Variants in MSI2 observed in about 807,000 individuals in gnomAD.
The protein encoded by MSI2 is musashi RNA binding protein 2.
A neutral mutation model predicts 45.6 loss-of-function variants in MSI2; 17 were observed. The observed-to-expected ratio is 0.37, with a 90% CI of 0.26 to 0.56. MSI2 has a LOEUF of 0.56. Among genes scored for constraint, MSI2 ranks in the 20% least tolerant of loss-of-function variants. The pLI is 0.77. For synonymous variants in MSI2, 156 were observed against 158.2 expected, an observed-to-expected ratio of 0.99 and a Z score of 0.11; for missense variants, 293 against 444.2, an observed-to-expected ratio of 0.66 and a Z score of 3.06.
intron 6 of MSI2, among the ~76,000 whole-genome samples, chr17:57,451,116 A>G (rs2085010595): frequency 6.6e-6 from 1 of 152,102 alleles, no homozygotes; most frequent in Non-Finnish European, 1.5e-5. Context: ...CAGAGGAGCA[A>G]AGTGTTGGGG....
chr17:57,576,776 C>A, intron 7 of MSI2, among the ~76,000 whole-genome samples: 1 of 145,986 alleles, frequency 6.8e-6, no homozygotes, highest in Non-Finnish European at 1.5e-5. Flanking sequence ...AAAAAAATGA[C>A]TATAATCGAT....
At chr17:57,603,926 TA>T (rs1906212998) in intron 8 of MSI2, among the ~76,000 whole-genome samples, 1 of 152,206 alleles carries the variant, frequency 6.6e-6, no homozygotes, top group African/African-American at 2.4e-5. Context: ...CACACATTAT[TA>T]GGGGCAGAGT....
intron 5 of MSI2, among the ~76,000 whole-genome samples, chr17:57,378,596 C>T (rs376166616): frequency 9.2e-5 from 14 of 152,200 alleles, no homozygotes; most frequent in African/African-American, 2.6e-4. Context: ...AGGGTTTCTC[C>T]GTATTAGCCA....
intron 6 of MSI2, among the ~76,000 whole-genome samples, chr17:57,411,401 A>G (rs1343310995): frequency 6.6e-6 from 1 of 152,202 alleles, no homozygotes; most frequent in Non-Finnish European, 1.5e-5. Flanking sequence ...ACTGCTTTCC[A>G]TTCAACTAAG....
chr17:57,456,636 G>T (rs1191011046), intron 6 of MSI2, among the ~76,000 whole-genome samples: 1 of 151,870 alleles, frequency 6.6e-6, no homozygotes, highest in African/African-American at 2.4e-5. Flanking sequence ...GACTTGCCCT[G>T]TGTTGGAGAT....
rs2085363291 is a variant in MSI2, at chr17:57,468,153, A to G, written c.406-61523A>G. ...AACCTCTTAGAGCCTTAGTTCCCGCATCTGTAAAATGGAGGAAAGAGTCTC... is the reference window on the plus strand; with the variant it reads ...AACCTCTTAGAGCCTTAGTTCCCGCGTCTGTAAAATGGAGGAAAGAGTCTC... On this transcript the variant is annotated intron_variant, in intron 6 of 13. Transcript: ENST00000284073. 2.6e-5 allele frequency among the ~76,000 whole-genome samples: 4 copies of G among 151,754 alleles called. No individual in the cohort carries two copies. The South Asian group carries it at 8.3e-4, about 32-fold the overall frequency.
At position 57,320,075 on chromosome 17, in the gene MSI2, T is replaced by C. The variant is rs112915472; in HGVS notation, c.312+57883T>C. Among the ~76,000 whole-genome samples, 865 of 152,252 alleles carry C rather than the reference T, an allele frequency of 5.7e-3. 5 individuals carry two copies. The highest frequency in any genetic ancestry group is 6.7e-3 in the Non-Finnish European group (457 of 68,016). On this transcript the variant is annotated intron_variant, in intron 5 of 13. Transcript: ENST00000284073. Reference sequence around the variant, plus strand: ...ACTCTCAGCTTCTCTGGAATGACAGTGCTTTCTTCCTTTGAGTGGGCACCA... The same window carrying C: ...ACTCTCAGCTTCTCTGGAATGACAGCGCTTTCTTCCTTTGAGTGGGCACCA...
chr17:57,677,677 G>A lies in MSI2; in HGVS notation c.*31+618G>A, dbSNP rs188065888. On this transcript the variant is annotated intron_variant, in intron 13 of 13. Coordinates refer to ENST00000284073, the MANE Select transcript of MSI2 (RefSeq NM_138962.4). ...TGCACGAAAAGCAAATTAAATTAACGACATCACCTGTGTAACATGGATTTG... is the reference window on the plus strand; with the variant it reads ...TGCACGAAAAGCAAATTAAATTAACAACATCACCTGTGTAACATGGATTTG... Among the ~76,000 whole-genome samples, 14 of 152,322 alleles carry A rather than the reference G, an allele frequency of 9.2e-5. No homozygotes were observed. The East Asian group carries it at 1.3e-3, about 15-fold the overall frequency.
At position 57,529,128 on chromosome 17, in the gene MSI2, T is replaced by C. The variant is rs1222021106; in HGVS notation, c.406-548T>C. On this transcript the variant is annotated intron_variant, in intron 6 of 13. Coordinates refer to ENST00000284073, the MANE Select transcript of MSI2 (RefSeq NM_138962.4). The surrounding 1 kb of genome is among the most constrained non-coding windows in gnomAD (Gnocchi z 5.3). Reference sequence around the variant, plus strand: ...CTATATTGAAATAGTCATAGTTTTTTCTTTCTTTAGAAAAAAAATACTCCA... The same window carrying C: ...CTATATTGAAATAGTCATAGTTTTTCCTTTCTTTAGAAAAAAAATACTCCA... Among the ~76,000 whole-genome samples, 2 of 152,186 alleles carry C rather than the reference T, an allele frequency of 1.3e-5. No individual in the cohort carries two copies. Among genetic ancestry groups the C allele is most frequent in the African/African-American group, 4.8e-5 (2 of 41,436 alleles).
chr17:57,553,040 T>C (rs768780951), intron 7 of MSI2, among the ~76,000 whole-genome samples: 3 of 152,190 alleles, frequency 2.0e-5, no homozygotes, highest in Non-Finnish European at 2.9e-5. Flanking sequence ...GTTTTGAGAA[T>C]GTTGGCACCA....
intron 5 of MSI2, among the ~76,000 whole-genome samples, chr17:57,327,218 A>C (rs1913871944): frequency 6.6e-6 from 1 of 152,140 alleles, no homozygotes; most frequent in South Asian, 2.1e-4. Context: ...AGGTTGCAGC[A>C]ACCTATGATT....
intron 13 of MSI2, among the ~76,000 whole-genome samples, chr17:57,677,737 C>T (rs1208380114): frequency 6.6e-6 from 1 of 152,194 alleles, no homozygotes; most frequent in Admixed American, 6.5e-5. Flanking sequence ...TTAAACTGAG[C>T]TCAAGTTAAT....
At chr17:57,551,430 A>G (rs1319202820) in intron 7 of MSI2, among the ~76,000 whole-genome samples, 3 of 152,234 alleles carry the variant, frequency 2.0e-5, no homozygotes, top group African/African-American at 7.2e-5. Flanking sequence ...GTGGAGAGGT[A>G]GGTTCAGGTG....
chr17:57,443,023 G>T (rs2084828469), intron 6 of MSI2, among the ~76,000 whole-genome samples: 2 of 152,220 alleles, frequency 1.3e-5, no homozygotes, highest in Admixed American at 1.3e-4. Flanking sequence ...CAGGAAACCT[G>T]ATGGCTGGGG....
intron 6 of MSI2, among the ~76,000 whole-genome samples, chr17:57,472,098 G>A (rs1301352603): frequency 6.6e-6 from 1 of 152,174 alleles, no homozygotes; most frequent in African/African-American, 2.4e-5. Context: ...GCAGGGTGTT[G>A]GAGTTGCTGC....
At chr17:57,540,396 T>G (rs1364602586) in intron 7 of MSI2, among the ~76,000 whole-genome samples, 5 of 152,186 alleles carry the variant, frequency 3.3e-5, no homozygotes, top group Non-Finnish European at 5.9e-5. Context: ...GTTTTCCACC[T>G]TGAAGGGTGT....
At chr17:57,330,804 G>A (rs1914192028) in intron 5 of MSI2, among the ~76,000 whole-genome samples, 1 of 151,920 alleles carries the variant, frequency 6.6e-6, no homozygotes, top group South Asian at 2.1e-4. Flanking sequence ...GGCACCCTGG[G>A]GTTCAAGTTT....
At chr17:57,293,322 A>G (rs9894487) in intron 5 of MSI2, among the ~76,000 whole-genome samples, 125,892 of 151,840 alleles carry the variant, frequency 0.83, 52,211 homozygotes, top group Middle Eastern at 0.91. Flanking sequence ...AGAGGTATGT[A>G]CAGCTCGCAT....
At chr17:57,344,462 T>C (rs568318822) in intron 5 of MSI2, among the ~76,000 whole-genome samples, 1 of 152,352 alleles carries the variant, frequency 6.6e-6, no homozygotes, top group South Asian at 2.1e-4. Context: ...TGTTCCAAGC[T>C]CATCTTGTGT....
Sources: gnomAD v4.1 joint callset for allele counts (sites outside exome capture counted in the v4.1 genomes callset) on GRCh38, gnomAD v4.1.1 for gene constraint, Gnocchi (gnomAD v3.1) non-coding constraint, MANE v1.5 for transcripts, NCBI Gene and HGNC (gene_info 2026-07-23, HGNC 2026-07-21) for gene names.